The following GALNTL6 variants were observed in gnomAD, a reference collection of about 807,000 sequenced individuals.
The protein encoded by GALNTL6 is polypeptide N-acetylgalactosaminyltransferase like 6.
A neutral mutation model predicts 73.7 loss-of-function variants in GALNTL6; 46 were observed. The observed-to-expected ratio is 0.62, with a 90% CI of 0.49 to 0.80. GALNTL6 has a LOEUF of 0.80. Among genes scored for constraint, GALNTL6 ranks in the 30% least tolerant of loss-of-function variants. GALNTL6 has a pLI of 0.00. For synonymous variants in GALNTL6, 259 were observed against 263.7 expected, an observed-to-expected ratio of 0.98 and a Z score of 0.17; for missense variants, 604 against 755.0, an observed-to-expected ratio of 0.80 and a Z score of 2.34.
At chr4:172,869,337 C>G (rs1354589510) in intron 7 of GALNTL6, among the ~76,000 whole-genome samples, 2 of 152,146 alleles carry the variant, frequency 1.3e-5, no homozygotes, top group Non-Finnish European at 2.9e-5. Context: ...GTGGAGTTGT[C>G]TGAAAGCACA....
intron 2 of GALNTL6, among the ~76,000 whole-genome samples, chr4:172,214,457 A>G (rs1332243316): frequency 6.6e-6 from 1 of 151,600 alleles, no homozygotes; most frequent in Non-Finnish European, 1.5e-5. Flanking sequence ...TAATTGGTTC[A>G]ATTTCATTAC....
intron 7 of GALNTL6, among the ~76,000 whole-genome samples, chr4:172,834,752 T>C (rs1408835173): frequency 1.3e-5 from 2 of 152,144 alleles, no homozygotes; most frequent in East Asian, 3.9e-4. Flanking sequence ...CAAATGGCCA[T>C]TGGCCGCTTT....
chr4:172,738,774 T>A (rs1009368010), intron 5 of GALNTL6, among the ~76,000 whole-genome samples: 14 of 152,196 alleles, frequency 9.2e-5, no homozygotes, highest in Admixed American at 8.5e-4. Flanking sequence ...ATGAGCCATC[T>A]ATCAGATACA....
intron 5 of GALNTL6, among the ~76,000 whole-genome samples, chr4:172,755,327 C>CAAA (rs78206626): frequency 8.2e-6 from 1 of 121,982 alleles, no homozygotes; most frequent in African/African-American, 3.0e-5. Flanking sequence ...TTCTAAATTG[C>CAAA]AAAAAAAAAA....
chr4:172,548,562 C>T (rs1245230842), intron 5 of GALNTL6, among the ~76,000 whole-genome samples: 1 of 152,156 alleles, frequency 6.6e-6, no homozygotes, highest in African/African-American at 2.4e-5. Context: ...TTTGGTTATA[C>T]TTTAGACTCC....
chr4:172,517,969 A>T (rs542331211), intron 5 of GALNTL6, among the ~76,000 whole-genome samples: 1 of 152,206 alleles, frequency 6.6e-6, no homozygotes, highest in African/African-American at 2.4e-5. Flanking sequence ...ATGCATAGTC[A>T]TAGGTTCAAT....
At chr4:172,474,162 T>C (rs1733150391) in intron 5 of GALNTL6, among the ~76,000 whole-genome samples, 1 of 152,144 alleles carries the variant, frequency 6.6e-6, no homozygotes, top group Non-Finnish European at 1.5e-5. Context: ...CCTAGAGTGC[T>C]CTTTTCTCAG....
intron 5 of GALNTL6, among the ~76,000 whole-genome samples, chr4:172,738,011 G>A (rs1334676631): frequency 6.6e-6 from 1 of 152,180 alleles, no homozygotes; most frequent in Non-Finnish European, 1.5e-5. Context: ...GAGTTACAGA[G>A]CAGAGTTTCT....
chr4:172,405,435 ATATATATATTTTTTTTTTTT>A (rs1172090224), intron 5 of GALNTL6, among the ~76,000 whole-genome samples: 42 of 5,096 alleles, frequency 8.2e-3, no homozygotes, highest in African/African-American at 0.026. Flanking sequence ...ATATATATAT[ATATATATATTTTTTTTTTTT>A]TTTTTTTTTT....
intron 5 of GALNTL6, among the ~76,000 whole-genome samples, chr4:172,760,525 G>T (rs1249306042): frequency 6.6e-6 from 1 of 152,156 alleles, no homozygotes; most frequent in East Asian, 1.9e-4. Context: ...CTGCTGTGAT[G>T]ACCTCTTTTC....
At chr4:172,486,211 G>C (rs1733661134) in intron 5 of GALNTL6, among the ~76,000 whole-genome samples, 2 of 152,144 alleles carry the variant, frequency 1.3e-5, no homozygotes, top group Non-Finnish European at 2.9e-5. Flanking sequence ...GGAAAAATTA[G>C]CTAATATATA....
chr4:172,759,336 C>T (rs947409065), intron 5 of GALNTL6, among the ~76,000 whole-genome samples: 7 of 152,190 alleles, frequency 4.6e-5, no homozygotes. Context: ...TGACCATGTT[C>T]ATATTCTGGC....
At chr4:172,354,962 T>C (rs1413086183) in intron 5 of GALNTL6, among the ~76,000 whole-genome samples, 1 of 152,136 alleles carries the variant, frequency 6.6e-6, no homozygotes, top group Non-Finnish European at 1.5e-5. Flanking sequence ...TCAGGAATGC[T>C]ACACACATTC....
chr4:172,059,663 A>G (rs1731135122), intron 2 of GALNTL6, among the ~76,000 whole-genome samples: 1 of 152,186 alleles, frequency 6.6e-6, no homozygotes, highest in African/African-American at 2.4e-5. Context: ...TCAGATTTTA[A>G]AAATATTTAA....
In GALNTL6 at chr4:171,904,161, T is replaced by G. The variant is rs1430024636; in HGVS notation, c.138+89443T>G. Among the ~76,000 whole-genome samples, 8 of 152,140 alleles carry G rather than the reference T, an allele frequency of 5.3e-5. 1 individual carries two copies. Among genetic ancestry groups the G allele is most frequent in the African/African-American group, 1.9e-4 (8 of 41,426 alleles). ...TGGACGGAGAATGACTTTGACGAGC[T>G]GAGAGAAGAAGGCTTCAGACGATCA... is the stretch of plus-strand genomic sequence containing the variant. On this transcript the variant is annotated intron_variant, in intron 2 of 12. Transcript: ENST00000506823.
In GALNTL6 at chr4:173,035,924, C is replaced by T. The variant is rs374765540; in HGVS notation, c.1639-4009C>T. ...ACTAGGGATGCTCCCTGACTGAAAA[C>T]AAAGTAGTGGAAAGGGAGGGAGGAA... is the stretch of plus-strand genomic sequence containing the variant. On this transcript the variant is annotated intron_variant, in intron 12 of 12. Coordinates refer to ENST00000506823, the MANE Select transcript of GALNTL6 (RefSeq NM_001034845.3). Among the ~76,000 whole-genome samples the T allele has an allele frequency of 2.0e-5, 3 of 152,120 alleles. No homozygotes were observed. The South Asian group carries it at 6.2e-4, about 32-fold the overall frequency.
chr4:172,071,884 A>G (rs1731542925), intron 2 of GALNTL6, among the ~76,000 whole-genome samples: 1 of 152,190 alleles, frequency 6.6e-6, no homozygotes, highest in Non-Finnish European at 1.5e-5. Context: ...ATGTGACTGG[A>G]TAGGAATGCA....
rs185902121 is a variant in GALNTL6, at chr4:172,790,407, C to G, written c.554-18954C>G. Among the ~76,000 whole-genome samples the G allele has an allele frequency of 4.1e-3, 618 of 152,258 alleles. 6 individuals are homozygous for G. The highest frequency in any genetic ancestry group is 7.2e-3 in the Non-Finnish European group (493 of 68,012). ...ATAGGTGTCCTAGAAATTTTTCTCT[C>G]TCTGCCCATGCACACACACAGAGGA... is the stretch of plus-strand genomic sequence containing the variant. On this transcript the variant is annotated intron_variant, in intron 5 of 12. Transcript: ENST00000506823.
chr4:172,783,558 A>G (rs923103525), intron 5 of GALNTL6, among the ~76,000 whole-genome samples: 1 of 150,418 alleles, frequency 6.6e-6, no homozygotes, highest in African/African-American at 2.4e-5. Context: ...TTAATTTCCT[A>G]TTGCTGCTGT....
Sources: allele counts gnomAD v4.1 joint callset (sites outside exome capture counted in the v4.1 genomes callset), GRCh38; gene constraint gnomAD v4.1.1; transcripts MANE v1.5; gene names NCBI Gene and HGNC (gene_info 2026-07-23, HGNC 2026-07-21).